PNKP: variants seen among roughly 807,000 people sequenced by gnomAD.
PNKP encodes polynucleotide kinase 3'-phosphatase, also known as bifunctional polynucleotide phosphatase/kinase.
In PNKP, 82 loss-of-function variants were observed where a neutral mutation model predicts 66.2. The observed-to-expected ratio is 1.24, with a 90% CI of 1.04 to 1.49. PNKP has a LOEUF of 1.49. PNKP is among the 40% of genes most tolerant of loss of function. The pLI is 0.00. For synonymous variants in PNKP, 412 were observed against 298.9 expected (o/e 1.38, Z -3.90); for missense variants, 907 against 706.8 (o/e 1.28, Z -3.21).
At position 49,862,542 on chromosome 19, in the gene PNKP, C is replaced by G. The variant is rs372435922; in HGVS notation, c.932G>C (p.Arg311Pro). The change falls in exon 10 of 17, where the codon CGC (arginine) becomes CCC (proline). Residue 311 changes from arginine to proline, a missense_variant. Transcript: ENST00000322344. Reference sequence around the variant, plus strand: ...GGCAGGGGGCAGGGGCCTCACCAGGCGATCGGCGCAGGAGAAGTCTTTCTT... The same window carrying G: ...GGCAGGGGGCAGGGGCCTCACCAGGGGATCGGCGCAGGAGAAGTCTTTCTT... ...RKKKDFSCADRLFALNLGLPF... is the reference protein window; with the variant it reads ...RKKKDFSCADPLFALNLGLPF... 2 of 1,609,382 alleles carry G rather than the reference C, an allele frequency of 1.2e-6. No homozygotes were observed. Among genetic ancestry groups the G allele is most frequent in the Non-Finnish European group, 8.5e-7 (1 of 1,177,808 alleles).
rs780121125 is a variant in PNKP at position 49,862,391 on chromosome 19, C to T, written c.1009G>A (p.Glu337Lys). The change falls in exon 11 of 17, where the codon GAG becomes AAG. Residue 337 changes from glutamate (E) to lysine (K), a missense_variant. Glu to Lys is a moderately conservative substitution (Grantham distance 56). Transcript: ENST00000322344. ...CTCACCGGATCAAAGGCTGGGAGCTCGAAGCCGGCTGCTGGCCACTTGAGA... is the reference window on the plus strand; with the variant it reads ...CTCACCGGATCAAAGGCTGGGAGCTTGAAGCCGGCTGCTGGCCACTTGAGA... Reference protein sequence around the residue: ...FFLKWPAAGFELPAFDPRTVS... With the variant: ...FFLKWPAAGFKLPAFDPRTVS... The T allele has an allele frequency of 1.9e-6, 3 of 1,554,696 alleles. No individual in the cohort carries two copies. Among genetic ancestry groups the T allele is most frequent in the Admixed American group, 1.9e-5 (1 of 51,560 alleles).
intron 3 of PNKP, chr19:49,865,902 C>G (rs1233949802): frequency 2.1e-5 from 5 of 237,780 alleles, no homozygotes; most frequent in Non-Finnish European, 4.2e-5. Context: ...CGTGAGCCAC[C>G]GCGCCTGGCC....
At position 49,865,178 on chromosome 19, in the gene PNKP, G is replaced by C; in HGVS notation, c.447C>G (p.Asn149Lys). ...CGGTGAACACTAGCAACTTCTCCAA[G>C]TTCTCCCAGCCGGGGTTTGACTTCC... ...RMRKSNPGWE[N>K]LEKLLVFTAA... The change falls in exon 4 of 17, where the codon AAC (asparagine) becomes AAG (lysine). Residue 149 changes from asparagine (N) to lysine (K), a missense_variant. By Grantham distance (94) the Asn-to-Lys change is moderately conservative. Coordinates refer to ENST00000322344, the MANE Select transcript of PNKP (RefSeq NM_007254.4). 6.2e-7 allele frequency: 1 copy of C among 1,614,212 alleles called. No individual in the cohort carries two copies. Among genetic ancestry groups the C allele is most frequent in the South Asian group, 1.1e-5 (1 of 91,090 alleles).
At position 49,864,345 on chromosome 19, in the gene PNKP, G is replaced by A; in HGVS notation, c.557C>T (p.Pro186Leu). The A allele has an allele frequency of 6.2e-7, 1 of 1,613,984 alleles. No individual in the cohort carries two copies. Among genetic ancestry groups the A allele is most frequent in the Non-Finnish European group, 8.5e-7 (1 of 1,179,858 alleles). ...LITTRSGKVFPTGPSDWRILY... is the reference protein window; with the variant it reads ...LITTRSGKVFLTGPSDWRILY... Reference sequence around the variant, plus strand: ...TCACCTCCAGTCACTGGGGCCAGTGGGAAAGACCTTCCCAGAGCGTGTGGT... The same window carrying A: ...TCACCTCCAGTCACTGGGGCCAGTGAGAAAGACCTTCCCAGAGCGTGTGGT... The change falls in exon 5 of 17, where the codon CCC becomes CTC. Residue 186 changes from proline (P) to leucine (L), a missense_variant. Pro to Leu is a moderately conservative substitution (Grantham distance 98, BLOSUM62 -3). Coordinates refer to ENST00000322344, the MANE Select transcript of PNKP (RefSeq NM_007254.4).
At chr19:49,866,614 T>C (rs895380199) in intron 2 of PNKP, 169 bp from the exon 3 acceptor site, 18 of 727,092 alleles carry the variant, frequency 2.5e-5, no homozygotes, top group African/African-American at 8.7e-5. Flanking sequence ...GGCACTAGGA[T>C]TGCCTGACAC....
chr19:49,863,568 C>G (rs965658759), intron 8 of PNKP, 121 bp downstream of exon 8: 2 of 724,976 alleles, frequency 2.8e-6, no homozygotes, highest in Non-Finnish European at 4.9e-6. Context: ...CAGCAAAAAA[C>G]AGAAGGAGGG....
At chr19:49,863,397 G>A (rs1729948374) in intron 8 of PNKP, among the ~76,000 whole-genome samples, 1 of 152,234 alleles carries the variant, frequency 6.6e-6, no homozygotes, top group African/African-American at 2.4e-5. Flanking sequence ...CCCTGCTGGA[G>A]CAGGCCGTCC....
Position 49,864,052 on chromosome 19 carries a change from T to G in PNKP, c.656A>C (p.Gln219Pro). ...CAGCTTCCCGCGCCCGATGCTCATC[T>G]GGTTGGTGAAGATCACCAGCTGGGG... ...EGYKLVIFTN[Q>P]MSIGRGKLPA... is the part of the protein sequence containing the mutation. The change falls in exon 7 of 17, where the codon CAG becomes CCG. Residue 219 changes from glutamine to proline, a missense_variant. Physicochemically the swap from Gln to Pro is moderately conservative, Grantham distance 76 (BLOSUM62 -1). Transcript: ENST00000322344. 3.7e-6 allele frequency: 6 copies of G among 1,614,020 alleles called. No individual in the cohort carries two copies. Among genetic ancestry groups the G allele is most frequent in the African/African-American group, 1.3e-5 (1 of 75,072 alleles).
In PNKP at chr19:49,861,343, G is replaced by C; in HGVS notation, c.1471C>G (p.Leu491Val). 1 of 1,614,216 alleles carries C rather than the reference G, an allele frequency of 6.2e-7. No homozygotes were observed. The highest frequency in any genetic ancestry group is 8.5e-7 in the Non-Finnish European group (1 of 1,180,030). The stretch of plus-strand genomic sequence containing the variant: ...AGGATGGCAGAGAAGCCTTCAGCCA[G>C]CGTTGGGGCCTCGAACTGCTTCCTG... Reference protein sequence around the residue: ...GYRKQFEAPTLAEGFSAILEI... With the variant: ...GYRKQFEAPTVAEGFSAILEI... Residue 491 changes from leucine to valine, a missense_variant, in exon 17 of 17, where the codon CTG becomes GTG. Transcript: ENST00000322344.
At position 49,863,686 on chromosome 19, in the gene PNKP, C is replaced by G. The variant is rs763767031; in HGVS notation, c.816+3G>C. 1 of 1,552,060 alleles carries G rather than the reference C, an allele frequency of 6.4e-7. No homozygotes were observed. The highest frequency in any genetic ancestry group is 1.2e-5 in the South Asian group (1 of 84,248). On this transcript the variant is annotated splice_donor_region_variant and intron_variant, in intron 8 of 16. Transcript: ENST00000322344. ...GGGGGGCCGGGCAGGCTGCAAGACT[C>G]ACCTGCTCCTGCAGATGGTCCCACA...
rs1160306648 is a variant in PNKP at position 49,861,291 on chromosome 19, TCCACCC to T, written c.1517_1522del (p.Trp506_Glu508delinsTer). 1 of 1,613,768 alleles carries T rather than the reference TCCACCC, an allele frequency of 6.2e-7. No individual in the cohort carries two copies. The highest frequency in any genetic ancestry group is 8.5e-7 in the Non-Finnish European group (1 of 1,179,926). ...GCAGTACAGCCGCCCCAGCCTCGGCTCCACCCATAGCCGGAACGGGATCTCCAGGAT... is the reference window on the plus strand; with the variant it reads ...GCAGTACAGCCGCCCCAGCCTCGGCTATAGCCGGAACGGGATCTCCAGGAT... On this transcript the variant is annotated stop_gained and inframe_deletion, in exon 17 of 17. Coordinates refer to ENST00000322344, the MANE Select transcript of PNKP (RefSeq NM_007254.4). LOFTEE classifies it high-confidence loss of function.
rs891890321 is a variant in PNKP, at chr19:49,861,379, G to A, written c.1449-14C>T. ...TCGAACTGCTTCCTGGCAGTGGTGGGAACAGTGAGGGACAGCCTGGATCAT... is the reference window on the plus strand; with the variant it reads ...TCGAACTGCTTCCTGGCAGTGGTGGAAACAGTGAGGGACAGCCTGGATCAT... On this transcript the variant is annotated splice_polypyrimidine_tract_variant and intron_variant, in intron 16 of 16. Coordinates refer to ENST00000322344, the MANE Select transcript of PNKP (RefSeq NM_007254.4). The A allele has an allele frequency of 6.8e-6, 11 of 1,613,778 alleles. No homozygotes were observed. Among genetic ancestry groups the A allele is most frequent in the Middle Eastern group, 1.6e-4 (1 of 6,084 alleles).
rs2074808568 is a variant in PNKP, at chr19:49,865,129, T to G, written c.496A>C (p.Lys166Gln). 1 of 1,613,526 alleles carries G rather than the reference T, an allele frequency of 6.2e-7. No homozygotes were observed. Among genetic ancestry groups the G allele is most frequent in the Non-Finnish European group, 8.5e-7 (1 of 1,179,704 alleles). The change falls in exon 4 of 17, where the codon AAG becomes CAG. Residue 166 changes from lysine (K) to glutamine (Q), a missense_variant and splice_region_variant. Transcript: ENST00000322344. ...FTAAGVKPQG[K>Q]VAGFDLDGTL... ...TCAGCCCTCGGCGTGGCCCTCACCTTGCCCTGGGGTTTCACCCCAGCTGCG... is the reference window on the plus strand; with the variant it reads ...TCAGCCCTCGGCGTGGCCCTCACCTGGCCCTGGGGTTTCACCCCAGCTGCG...
chr19:49,865,522 A>T (rs2074812279), intron 3 of PNKP, 96 bp from the exon 4 acceptor site: 4 of 805,972 alleles, frequency 5.0e-6, no homozygotes, highest in Non-Finnish European at 4.2e-6. Flanking sequence ...CTTCTCCACC[A>T]CTATCAGACC....
chr19:49,861,534 G>A (rs1361807679), intron 15 of PNKP, 24 bp from the exon 16 acceptor site: 1 of 1,593,842 alleles, frequency 6.3e-7, no homozygotes, highest in Non-Finnish European at 8.6e-7. Flanking sequence ...CAGAGGGGCG[G>A]CAGGCCCAGG....
intron 1 of PNKP, 47 bp downstream of exon 1, chr19:49,867,422 T>C: frequency 3.3e-6 from 2 of 608,882 alleles, no homozygotes; most frequent in South Asian, 2.0e-5. Flanking sequence ...CTTTCCAGCG[T>C]ACAGGCAGAG....
chr19:49,861,356 G>C lies in PNKP; in HGVS notation c.1458C>G (p.Phe486Leu), dbSNP rs780614119. Residue 486 changes from phenylalanine (F) to leucine (L), a missense_variant, in exon 17 of 17, where the codon TTC becomes TTG. Coordinates refer to ENST00000322344, the MANE Select transcript of PNKP (RefSeq NM_007254.4). ...DMVMYGYRKQFEAPTLAEGFS... is the reference protein window; with the variant it reads ...DMVMYGYRKQLEAPTLAEGFS... ...AGCCTTCAGCCAGCGTTGGGGCCTC[G>C]AACTGCTTCCTGGCAGTGGTGGGAA... is the stretch of plus-strand genomic sequence containing the variant. 3 of 1,614,120 alleles carry C rather than the reference G, an allele frequency of 1.9e-6. No homozygotes were observed. Among genetic ancestry groups the C allele is most frequent in the Non-Finnish European group, 1.7e-6 (2 of 1,179,972 alleles).
At position 49,862,815 on chromosome 19, in the gene PNKP, G is replaced by A. The variant is rs557000320; in HGVS notation, c.817-77C>T. The A allele has an allele frequency of 3.9e-5, 58 of 1,475,920 alleles. 1 individual carries two copies. In the South Asian group the frequency reaches 4.9e-4, roughly 12 times the overall value. The allele number at this position is 1,475,920 out of a possible 1,614,324, so 91.4% of individuals were successfully genotyped here. On this transcript the variant is annotated intron_variant, in intron 8 of 16. Transcript: ENST00000322344. ...GGTAGCGGGTCCCTGGGGCTGCTTC[G>A]CCTGGTCTGTGCCCCACATCAGGAA...
At chr19:49,867,014 T>C (rs1275097091) in intron 2 of PNKP, 40 bp downstream of exon 2, 5 of 1,604,910 alleles carry the variant, frequency 3.1e-6, no homozygotes, top group Non-Finnish European at 4.3e-6. Flanking sequence ...TTCCCGCTTT[T>C]GCAGCAGGCC....
Sources: allele counts gnomAD v4.1 joint callset (sites outside exome capture counted in the v4.1 genomes callset), GRCh38; gene constraint gnomAD v4.1.1; transcripts MANE v1.5; gene names NCBI Gene and HGNC (gene_info 2026-07-23, HGNC 2026-07-21).